KAZN: variants seen among roughly 807,000 people sequenced by gnomAD.
KAZN encodes kazrin, periplakin interacting protein.
A neutral mutation model predicts 87.4 loss-of-function variants in KAZN; 40 were observed. The observed-to-expected ratio is 0.46, with a 90% CI of 0.36 to 0.60. KAZN has a LOEUF of 0.60. Ranked by LOEUF, KAZN falls within the 20% of genes least tolerant of loss-of-function variation. The pLI, the probability that KAZN is intolerant of heterozygous loss-of-function variation, is 0.00. For synonymous variants in KAZN, 466 were observed against 458.3 expected, an observed-to-expected ratio of 1.02 and a Z score of -0.22; for missense variants, 898 against 1,073.9, an observed-to-expected ratio of 0.84 and a Z score of 2.29.
intron 2 of KAZN, among the ~76,000 whole-genome samples, chr1:14,545,965 T>C (rs1488270051): frequency 1.3e-5 from 2 of 152,052 alleles, no homozygotes; most frequent in East Asian, 3.9e-4. Flanking sequence ...GATCCTCCCA[T>C]GTCCCAAGTT....
upstream of KAZN, among the ~76,000 whole-genome samples, chr1:14,594,608 A>C (rs534870299): frequency 6.6e-5 from 10 of 152,268 alleles, no homozygotes; most frequent in South Asian, 2.1e-3. Flanking sequence ...CTGGGGTGTG[A>C]GATTGGGACT....
At chr1:15,095,633 G>T (rs1309594794) in intron 10 of KAZN, among the ~76,000 whole-genome samples, 2 of 137,630 alleles carry the variant, frequency 1.5e-5, no homozygotes, top group African/African-American at 5.5e-5. Context: ...TTCTGAGAAT[G>T]TGGAGAGGGG....
intron 14 of KAZN, chr1:15,113,085 A>C (rs1233598539): frequency 1.3e-5 from 2 of 153,732 alleles, no homozygotes; most frequent in Non-Finnish European, 2.9e-5. Context: ...CCTCAATGGA[A>C]ATGCACAGAC....
chr1:14,896,736 C>A (rs1655322458), intron 1 of KAZN, among the ~76,000 whole-genome samples: 1 of 152,176 alleles, frequency 6.6e-6, no homozygotes, highest in African/African-American at 2.4e-5. Context: ...GCTCCACTCC[C>A]TGCTGCCCTA....
At chr1:14,755,568 G>A (rs749514379) in intron 1 of KAZN, among the ~76,000 whole-genome samples, 1 of 152,188 alleles carries the variant, frequency 6.6e-6, no homozygotes, top group Non-Finnish European at 1.5e-5. Context: ...AGGTCTCAGC[G>A]CTGATTCCCA....
intron 2 of KAZN, among the ~76,000 whole-genome samples, chr1:14,977,629 A>G (rs1665782415): frequency 6.6e-6 from 1 of 152,232 alleles, no homozygotes; most frequent in African/African-American, 2.4e-5. Flanking sequence ...GAGAGAGGAA[A>G]GGCACACTTT....
chr1:14,731,345 G>A lies in KAZN; in HGVS notation c.226+132122G>A, dbSNP rs150184822. On this transcript the variant is annotated intron_variant, in intron 1 of 14. Transcript: ENST00000376030. ...TCATCATCGTCATTGTCAGCCCCAGGCCAACAGTCAAGATGCCCAAGCCAG... is the reference window on the plus strand; with the variant it reads ...TCATCATCGTCATTGTCAGCCCCAGACCAACAGTCAAGATGCCCAAGCCAG... Among the ~76,000 whole-genome samples, 236 of 152,256 alleles carry A rather than the reference G, an allele frequency of 1.6e-3. 1 individual carries two copies. Among genetic ancestry groups the A allele is most frequent in the African/African-American group, 5.6e-3 (231 of 41,554 alleles).
chr1:14,434,688 C>T (rs1666278298), intron 2 of KAZN, among the ~76,000 whole-genome samples: 1 of 152,186 alleles, frequency 6.6e-6, no homozygotes, highest in Non-Finnish European at 1.5e-5. Context: ...TGGAAGAGAA[C>T]TGGCCTCAGT....
intron 2 of KAZN, among the ~76,000 whole-genome samples, chr1:14,412,407 T>G (rs1664381409): frequency 6.6e-6 from 1 of 152,154 alleles, no homozygotes; most frequent in South Asian, 2.1e-4. Flanking sequence ...ACTCAAAGAA[T>G]TGACATACAA....
chr1:14,569,971 G>A (rs113816200), intron 2 of KAZN, among the ~76,000 whole-genome samples: 2 of 152,188 alleles, frequency 1.3e-5, no homozygotes, highest in African/African-American at 4.8e-5. Context: ...AAGTTAACTG[G>A]GTGCGGTGGT....
chr1:15,105,200 T>C (rs1471991988), intron 13 of KAZN, among the ~76,000 whole-genome samples: 1 of 152,258 alleles, frequency 6.6e-6, no homozygotes, highest in Non-Finnish European at 1.5e-5. Flanking sequence ...AAGTATTCTC[T>C]CCTCTTCTGG....
intron 1 of KAZN, among the ~76,000 whole-genome samples, chr1:14,126,326 T>C (rs1034985841): frequency 2.0e-5 from 3 of 149,772 alleles, no homozygotes; most frequent in South Asian, 2.2e-4. Context: ...CTCTATTCCA[T>C]GTATCATAAA....
At chr1:14,416,253 T>C (rs1013429759) in intron 2 of KAZN, among the ~76,000 whole-genome samples, 10 of 152,208 alleles carry the variant, frequency 6.6e-5, no homozygotes, top group African/African-American at 2.4e-4. Flanking sequence ...GGGACCATCA[T>C]TTATATGCAT....
intron 1 of KAZN, among the ~76,000 whole-genome samples, chr1:14,944,926 G>A (rs988783175): frequency 1.3e-5 from 2 of 152,210 alleles, no homozygotes; most frequent in Non-Finnish European, 2.9e-5. Flanking sequence ...TGCATTCTGG[G>A]CTTCCTTCCG....
chr1:13,901,474 A>G (rs982821559), intron 1 of KAZN, among the ~76,000 whole-genome samples: 3 of 152,242 alleles, frequency 2.0e-5, no homozygotes, highest in African/African-American at 7.2e-5. Flanking sequence ...CAGAGATTCT[A>G]TTAGGATTTC....
rs549092023 is a variant in KAZN, at chr1:14,251,643, CTTTTT to C, written c.249+71072_249+71076del. Among the ~76,000 whole-genome samples the C allele has an allele frequency of 6.0e-3, 541 of 90,324 alleles. 5 individuals are homozygous for C. The highest frequency in any genetic ancestry group is 0.024 in the African/African-American group (409 of 17,090). The allele number at this position is 90,324 out of a possible 152,430, so 59.3% of individuals were successfully genotyped here. A position where few individuals can be genotyped will look rare whatever the true frequency, so the allele number is the denominator to read the frequency against. ...AGGCACAGTGAAAAGTTCTCCCGGA[CTTTTT>C]TTTTTTTTTTTTTTTTTTTTGACAC... is the stretch of plus-strand genomic sequence containing the variant. On this transcript the variant is annotated intron_variant, in intron 2 of 16. Coordinates refer to the KAZN transcript ENST00000636203.
intron 1 of KAZN, among the ~76,000 whole-genome samples, chr1:14,129,452 T>C (rs543987914): frequency 2.6e-5 from 4 of 152,366 alleles, no homozygotes; most frequent in African/African-American, 9.6e-5. Context: ...AAATGGGATG[T>C]GAAAGGCCAA....
intron 2 of KAZN, among the ~76,000 whole-genome samples, chr1:14,353,927 T>C (rs1373138403): frequency 6.6e-6 from 1 of 152,162 alleles, no homozygotes; most frequent in Non-Finnish European, 1.5e-5. Flanking sequence ...AATAAGCTGA[T>C]TCTAAAATGT....
intron 2 of KAZN, among the ~76,000 whole-genome samples, chr1:14,570,856 A>C (rs907982772): frequency 6.6e-6 from 1 of 152,164 alleles, no homozygotes; most frequent in East Asian, 1.9e-4. Flanking sequence ...GCAATACGGG[A>C]AAGTTCTAGT....
Sources: allele counts gnomAD v4.1 joint callset (sites outside exome capture counted in the v4.1 genomes callset), GRCh38; gene constraint gnomAD v4.1.1; transcripts MANE v1.5; gene names NCBI Gene and HGNC (gene_info 2026-07-23, HGNC 2026-07-21).